The following LHCGR variants were observed in gnomAD, a reference collection of about 807,000 sequenced individuals.
The protein encoded by LHCGR is luteinizing hormone/choriogonadotropin receptor, also known as lutropin-choriogonadotropic hormone receptor.
LHCGR carries 55 observed loss-of-function variants against 60.7 expected under a neutral mutation model. That is an observed-to-expected ratio of 0.91 (90% CI 0.73 to 1.13). LHCGR has a LOEUF of 1.13. LHCGR is among the 50% of genes most tolerant of loss of function. The probability of loss-of-function intolerance (pLI) is 0.00; values close to 1 mark genes in which losing one functional copy is unlikely to be tolerated. For missense variants in LHCGR, 862 were observed against 836.0 expected (o/e 1.03, Z -0.38); for synonymous variants, 337 against 316.5 (o/e 1.06, Z -0.69).
At chr2:48,709,077 G>A (rs113406889) in intron 7 of LHCGR, 55 bp from the exon 8 acceptor site, 47 of 1,370,810 alleles carry the variant, frequency 3.4e-5, no homozygotes, top group African/African-American at 3.1e-4. Context: ...GTAAGCATTC[G>A]TAGCTCCATA....
intron 4 of LHCGR, among the ~76,000 whole-genome samples, chr2:48,724,755 G>A (rs183561384): frequency 4.6e-5 from 7 of 152,226 alleles, no homozygotes; most frequent in Admixed American, 2.0e-4. Flanking sequence ...ACACCCTGGA[G>A]GTTTGGAAAA....
intron 1 of LHCGR, among the ~76,000 whole-genome samples, chr2:48,740,197 A>G (rs960616367): frequency 6.6e-6 from 1 of 152,248 alleles, no homozygotes; most frequent in African/African-American, 2.4e-5. Flanking sequence ...TCTTACGCCC[A>G]TGGAGTCTCA....
rs182164884 is a variant in LHCGR, at chr2:48,703,915, C to A, written c.680+5033G>T. Among the ~76,000 whole-genome samples the A allele has an allele frequency of 2.0e-3, 304 of 152,234 alleles. 1 individual carries two copies. Among genetic ancestry groups the A allele is most frequent in the South Asian group, 0.019 (93 of 4,822 alleles). On this transcript the variant is annotated intron_variant, in intron 8 of 10. Transcript: ENST00000294954. The stretch of plus-strand genomic sequence containing the variant: ...GCCTGATTGCCCTGGCCAGAACTTC[C>A]AATACTATGTTGAATAGGAGTGGTG...
chr2:48,755,604 C>A lies in LHCGR; in HGVS notation c.68G>T (p.Arg23Leu). 6.5e-7 allele frequency: 1 copy of A among 1,533,404 alleles called. No homozygotes were observed. The highest frequency in any genetic ancestry group is 1.2e-5 in the South Asian group (1 of 83,790). 95.0% of individuals were successfully genotyped at this position (1,533,404 alleles called of 1,614,324 possible). A position where few individuals can be genotyped will look rare whatever the true frequency, so the allele number is the denominator to read the frequency against. The change falls in exon 1 of 11, where the codon CGA becomes CTA. Residue 23 changes from arginine (R) to leucine (L), a missense_variant. Coordinates refer to ENST00000294954, the MANE Select transcript of LHCGR (RefSeq NM_000233.4). ...LLLLLQPPLPRALREALCPEP... is the reference protein window; with the variant it reads ...LLLLLQPPLPLALREALCPEP... ...AGGGCAGAGCGCCTCGCGCAGCGCTCGTGGCAGCGGCGGCTGCAGCAGCAG... is the reference window on the plus strand; with the variant it reads ...AGGGCAGAGCGCCTCGCGCAGCGCTAGTGGCAGCGGCGGCTGCAGCAGCAG...
intron 3 of LHCGR, among the ~76,000 whole-genome samples, chr2:48,727,708 C>G (rs902179016): frequency 2.0e-5 from 3 of 152,210 alleles, no homozygotes; most frequent in African/African-American, 4.8e-5. Context: ...TTTGCACTTA[C>G]TCATTATTTT....
chr2:48,714,763 A>T (rs1017913998), intron 6 of LHCGR, among the ~76,000 whole-genome samples: 1 of 152,154 alleles, frequency 6.6e-6, no homozygotes. Flanking sequence ...AAACACACAC[A>T]CATACATGTA....
chr2:48,734,487 A>G (rs1669132718), intron 1 of LHCGR, among the ~76,000 whole-genome samples: 1 of 152,198 alleles, frequency 6.6e-6, no homozygotes, highest in South Asian at 2.1e-4. Flanking sequence ...CCTCTGTACT[A>G]GAGAGACAAA....
Position 48,755,644 on chromosome 2 carries a change from G to T in LHCGR, c.28C>A (p.Leu10Met). The stretch of plus-strand genomic sequence containing the variant: ...TGCAGCAGCAGCAGCAGCTTCAGCA[G>T]CTGCAGCGCCGAGAACCGCTGCTTC... MKQRFSALQ[L>M]LKLLLLLQPP... Residue 10 changes from leucine to methionine, a missense_variant, in exon 1 of 11, where the codon CTG becomes ATG. Transcript: ENST00000294954. The T allele has an allele frequency of 1.3e-6, 2 of 1,535,236 alleles. No individual in the cohort carries two copies. Among genetic ancestry groups the T allele is most frequent in the Non-Finnish European group, 1.7e-6 (2 of 1,145,988 alleles).
intron 6 of LHCGR, among the ~76,000 whole-genome samples, chr2:48,717,833 CTTTTTTTTTTTT>C (rs10711529): frequency 2.9e-5 from 2 of 68,976 alleles, no homozygotes; most frequent in Admixed American, 1.8e-4. Flanking sequence ...TTTTCCATGT[CTTTTTTTTTTTT>C]TTTTTTTTTT....
At chr2:48,695,135 G>A in intron 9 of LHCGR, among the ~76,000 whole-genome samples, 1 of 151,970 alleles carries the variant, frequency 6.6e-6, no homozygotes, top group East Asian at 1.9e-4. Context: ...TTTTTAATGG[G>A]ATTATTTATT....
At chr2:48,753,760 C>G (rs1670084571) in intron 1 of LHCGR, among the ~76,000 whole-genome samples, 1 of 151,984 alleles carries the variant, frequency 6.6e-6, no homozygotes, top group Non-Finnish European at 1.5e-5. Flanking sequence ...CCCATTCATG[C>G]CCCCAGTGGG....
Position 48,723,523 on chromosome 2 carries a change from C to T in LHCGR, c.469G>A (p.Asp157Asn). ...GGTATGGTGGTTATGTGTAAGTTAT[C>T]ACAAATTTCCCTTGAGGAAAGAAAT... ...SESNFILEIC[D>N]NLHITTIPGN... The change falls in exon 6 of 11, where the codon GAT becomes AAT. Residue 157 changes from aspartate (D) to asparagine (N), a missense_variant. By Grantham distance (23) the Asp-to-Asn change is conservative. Transcript: ENST00000294954. 6.2e-7 allele frequency: 1 copy of T among 1,612,846 alleles called. No individual in the cohort carries two copies. The highest frequency in any genetic ancestry group is 1.7e-5 in the Admixed American group (1 of 59,994).
At chr2:48,713,935 G>T in intron 7 of LHCGR, 51 bp downstream of exon 7, 1 of 1,274,598 alleles carries the variant, frequency 7.8e-7, no homozygotes, top group Non-Finnish European at 1.1e-6. Flanking sequence ...CTTGTAGCCA[G>T]AGTAATATTT....
At chr2:48,740,453 T>C (rs553644379) in intron 1 of LHCGR, among the ~76,000 whole-genome samples, 188 of 152,266 alleles carry the variant, frequency 1.2e-3, no homozygotes, top group Non-Finnish European at 1.9e-3. Flanking sequence ...TCTGACAGCT[T>C]TGAAGAGAGC....
intron 8 of LHCGR, among the ~76,000 whole-genome samples, chr2:48,705,049 A>G (rs1667595517): frequency 6.6e-6 from 1 of 152,204 alleles, no homozygotes; most frequent in South Asian, 2.1e-4. Flanking sequence ...TTCCCTCTAC[A>G]TACTGCTTTA....
At position 48,687,973 on chromosome 2, in the gene LHCGR, C is replaced by A. The variant is rs1237575970; in HGVS notation, c.1824G>T (p.Leu608=). The A allele has an allele frequency of 6.2e-7, 1 of 1,613,928 alleles. No individual in the cohort carries two copies. Among genetic ancestry groups the A allele is most frequent in the African/African-American group, 1.3e-5 (1 of 74,878 alleles). The change falls in exon 11 of 11, where the codon CTG becomes CTT. Residue 608 remains leucine (L), a synonymous_variant. Transcript: ENST00000294954. ...AAGAATTGATGGGATAAAAAAGAAC[C>A]AGTAAAACTTTAGAGTTGGTTACTG... ...LITVTNSKVL[L]VLFYPINSCA...
intron 1 of LHCGR, among the ~76,000 whole-genome samples, chr2:48,741,819 A>G (rs1669469067): frequency 6.6e-6 from 1 of 151,800 alleles, no homozygotes; most frequent in African/African-American, 2.4e-5. Context: ...TCATAATGAC[A>G]GGATCAAATT....
chr2:48,703,871 C>A lies in LHCGR; in HGVS notation c.681-5071G>T, dbSNP rs556374948. ...GACTTCCTCTTTTCCTAAATGAATACCCTTTATTTCCTTCTCTCGCCTGAT... is the reference window on the plus strand; with the variant it reads ...GACTTCCTCTTTTCCTAAATGAATAACCTTTATTTCCTTCTCTCGCCTGAT... On this transcript the variant is annotated intron_variant, in intron 8 of 10. Coordinates refer to ENST00000294954, the MANE Select transcript of LHCGR (RefSeq NM_000233.4). 3.3e-5 allele frequency among the ~76,000 whole-genome samples: 5 copies of A among 152,278 alleles called. No homozygotes were observed. In the East Asian group the frequency reaches 7.7e-4, roughly 24 times the overall value.
Position 48,713,507 on chromosome 2 carries a change from C to T in LHCGR, c.605+479G>A, listed in dbSNP as rs574883276. On this transcript the variant is annotated intron_variant, in intron 7 of 10. Coordinates refer to ENST00000294954, the MANE Select transcript of LHCGR (RefSeq NM_000233.4). ...AACTGGGTAGGGTGTGGTGAAAACA[C>T]AAAGCTCCCTACCTTGTGGAAAATG... Among the ~76,000 whole-genome samples the T allele has an allele frequency of 2.5e-3, 382 of 152,250 alleles. 5 individuals are homozygous for T. Among genetic ancestry groups the T allele is most frequent in the Non-Finnish European group, 4.3e-3 (293 of 68,014 alleles).
Sources: gnomAD v4.1 joint callset for allele counts (sites outside exome capture counted in the v4.1 genomes callset) on GRCh38, gnomAD v4.1.1 for gene constraint, MANE v1.5 for transcripts, NCBI Gene and HGNC (gene_info 2026-07-23, HGNC 2026-07-21) for gene names.